Variants in SUZ12 observed in about 807,000 individuals in gnomAD.
The protein encoded by SUZ12 is polycomb protein SUZ12.
Under a neutral mutation model 87.3 loss-of-function variants are expected in SUZ12, and 17 were observed. The observed-to-expected ratio is 0.19, with a 90% confidence interval of 0.13 to 0.29. The LOEUF is 0.29. SUZ12 is among the 10% of genes least tolerant of loss of function. The pLI is 1.00. For synonymous variants in SUZ12, 253 were observed against 312.4 expected (o/e 0.81, Z 2.01); for missense variants, 526 against 912.2 (o/e 0.58, Z 5.45).
At position 31,987,457 on chromosome 17, in the gene SUZ12, A is replaced by G. The variant is rs142641915; in HGVS notation, c.1024-863A>G. ...GATGGCTAAAAGTTAGCTATTTTCA[A>G]TAGCTCAGTGTTGTAAAATCAAAGA... On this transcript the variant is annotated intron_variant, in intron 9 of 15. Coordinates refer to ENST00000322652, the MANE Select transcript of SUZ12 (RefSeq NM_015355.4). 1.9e-3 allele frequency among the ~76,000 whole-genome samples: 290 copies of G among 152,322 alleles called. 1 individual carries two copies. The highest frequency in any genetic ancestry group is 1.1e-3 in the Non-Finnish European group (75 of 68,040).
At chr17:31,947,430 A>G (rs1212957191) in intron 3 of SUZ12, among the ~76,000 whole-genome samples, 187 bp from the exon 4 acceptor site, 1 of 152,200 alleles carries the variant, frequency 6.6e-6, no homozygotes, top group Non-Finnish European at 1.5e-5. Context: ...ATGGGGCTTG[A>G]AGGCTCGTGT....
chr17:31,963,489 TA>T (rs1361966787), intron 4 of SUZ12, among the ~76,000 whole-genome samples: 16,335 of 145,346 alleles, frequency 0.11, no homozygotes, highest in South Asian at 0.2. Flanking sequence ...GGTTCTTAGG[TA>T]TTTTTTTTGT....
intron 5 of SUZ12, among the ~76,000 whole-genome samples, chr17:31,972,640 T>A (rs1170180187): frequency 6.6e-6 from 1 of 152,100 alleles, no homozygotes; most frequent in Non-Finnish European, 1.5e-5. Flanking sequence ...TCTTGAACTC[T>A]TGGCCTTAAG....
chr17:31,982,229 A>G (rs1284205254), intron 8 of SUZ12, among the ~76,000 whole-genome samples: 2 of 152,212 alleles, frequency 1.3e-5, no homozygotes, highest in South Asian at 4.1e-4. Flanking sequence ...CAGATTCGTC[A>G]TTATAATAAT....
chr17:31,943,568 C>T (rs977885295), intron 3 of SUZ12, among the ~76,000 whole-genome samples: 2 of 152,134 alleles, frequency 1.3e-5, no homozygotes, highest in African/African-American at 4.8e-5. Flanking sequence ...TAATGTTTAT[C>T]TGTAAAAACC....
intron 4 of SUZ12, among the ~76,000 whole-genome samples, chr17:31,950,929 C>T (rs571587163): frequency 5.4e-4 from 82 of 152,096 alleles, no homozygotes; most frequent in African/African-American, 1.7e-3. Flanking sequence ...TACAGGCGCC[C>T]GCCACCTTGC....
chr17:31,960,296 C>G (rs2627079), intron 4 of SUZ12, among the ~76,000 whole-genome samples: 2 of 152,028 alleles, frequency 1.3e-5, no homozygotes, highest in Non-Finnish European at 2.9e-5. Context: ...CTGCAACCTC[C>G]GCCTCCCAGG....
intron 9 of SUZ12, among the ~76,000 whole-genome samples, chr17:31,984,931 G>A (rs1158175133): frequency 6.6e-6 from 1 of 152,150 alleles, no homozygotes; most frequent in Non-Finnish European, 1.5e-5. Flanking sequence ...CAAGGCGGGT[G>A]GATCACCTGA....
intron 4 of SUZ12, 78 bp from the exon 5 acceptor site, chr17:31,966,069 A>G: frequency 1.2e-5 from 15 of 1,298,544 alleles, no homozygotes; most frequent in Non-Finnish European, 1.6e-5. Context: ...CTTTGATTTC[A>G]ATGTTATATT....
At chr17:31,986,740 C>T (rs1273239919) in intron 9 of SUZ12, among the ~76,000 whole-genome samples, 1 of 151,932 alleles carries the variant, frequency 6.6e-6, no homozygotes, top group Non-Finnish European at 1.5e-5. Flanking sequence ...TTAGTAGAGA[C>T]GGGGTTTCAC....
intron 3 of SUZ12, among the ~76,000 whole-genome samples, chr17:31,944,186 T>G (rs1598147332): frequency 6.6e-6 from 1 of 152,028 alleles, no homozygotes; most frequent in Non-Finnish European, 1.5e-5. Flanking sequence ...TGGAGTGCAA[T>G]GGTGCAATCT....
chr17:31,998,356 G>C (rs1411156674), intron 15 of SUZ12, among the ~76,000 whole-genome samples: 1 of 152,046 alleles, frequency 6.6e-6, no homozygotes, highest in East Asian at 1.9e-4. Flanking sequence ...TAGAATTACA[G>C]GCGTAATTAC....
chr17:31,970,359 G>A lies in SUZ12; in HGVS notation c.506-2787G>A, dbSNP rs200911274. The stretch of plus-strand genomic sequence containing the variant: ...AAAAGTGTTGCCGGCCAGGCGCAAT[G>A]GCTCACGCCTGTAATCCCAGCACTT... On this transcript the variant is annotated intron_variant, in intron 5 of 15. Transcript: ENST00000322652. Among the ~76,000 whole-genome samples the A allele has an allele frequency of 2.6e-5, 4 of 152,148 alleles. No individual in the cohort carries two copies. The East Asian group carries it at 5.8e-4, about 22-fold the overall frequency.
chr17:31,961,685 C>T (rs1176071781), intron 4 of SUZ12, among the ~76,000 whole-genome samples: 2 of 152,166 alleles, frequency 1.3e-5, no homozygotes, highest in Non-Finnish European at 2.9e-5. Context: ...TAGTAGTAGT[C>T]TCAATTTCTT....
intron 3 of SUZ12, among the ~76,000 whole-genome samples, chr17:31,943,600 CA>C (rs1906434774): frequency 6.6e-6 from 1 of 152,070 alleles, no homozygotes; most frequent in African/African-American, 2.4e-5. Flanking sequence ...CCGGGCTGTA[CA>C]AAAACAGGCG....
intron 5 of SUZ12, among the ~76,000 whole-genome samples, chr17:31,969,090 C>G (rs1908263325): frequency 6.6e-6 from 1 of 152,186 alleles, no homozygotes; most frequent in African/African-American, 2.4e-5. Context: ...GATTCTCATG[C>G]CTCCACCTCC....
chr17:31,987,731 G>A (rs1266224395), intron 9 of SUZ12, among the ~76,000 whole-genome samples: 1 of 152,090 alleles, frequency 6.6e-6, no homozygotes, highest in Non-Finnish European at 1.5e-5. Context: ...AGGAGTTCAA[G>A]ACCAGCCTGG....
At chr17:31,965,450 T>G (rs1908033381) in intron 4 of SUZ12, among the ~76,000 whole-genome samples, 1 of 152,234 alleles carries the variant, frequency 6.6e-6, no homozygotes, top group Admixed American at 6.5e-5. Context: ...AATAGATGTT[T>G]GTGAAAATAG....
At position 31,983,003 on chromosome 17, in the gene SUZ12, T is replaced by C. The variant is rs1909201592; in HGVS notation, c.922T>C (p.Leu308=). 1 of 1,612,620 alleles carries C rather than the reference T, an allele frequency of 6.2e-7. No individual in the cohort carries two copies. The highest frequency in any genetic ancestry group is 8.5e-7 in the Non-Finnish European group (1 of 1,179,312). ...GTATATGTGTTTGTCTAACAGGCGC[T>C]TACAGCTTTTAGATGGGGAATATGA... The part of the protein sequence containing the change: ...QMTVFDKNRR[L]QLLDGEYEVA... The change falls in exon 9 of 16, where the codon TTA becomes CTA. Residue 308 remains leucine (L), a synonymous_variant. Coordinates refer to ENST00000322652, the MANE Select transcript of SUZ12 (RefSeq NM_015355.4).
Sources: gnomAD v4.1 joint callset for allele counts (sites outside exome capture counted in the v4.1 genomes callset) on GRCh38, gnomAD v4.1.1 for gene constraint, MANE v1.5 for transcripts, NCBI Gene and HGNC (gene_info 2026-07-23, HGNC 2026-07-21) for gene names.